AKAP19: variants seen among roughly 807,000 people sequenced by gnomAD.
The protein encoded by AKAP19 is A-kinase anchoring protein 19, also known as small A-kinase anchoring protein.
At chr2:190,050,876 T>A in the AKAP19 span, among the ~76,000 whole-genome samples, 2 of 152,154 alleles carry the variant, frequency 1.3e-5, no homozygotes, top group African/African-American at 2.4e-5. Flanking sequence ...ATATTACACC[T>A]CTCCTAGAAG....
the AKAP19 span, among the ~76,000 whole-genome samples, chr2:190,043,294 G>A: frequency 1.3e-5 from 2 of 152,282 alleles, no homozygotes; most frequent in South Asian, 4.1e-4. Flanking sequence ...TGTTTTCCAA[G>A]TTGTTTGCTT....
chr2:190,144,435 C>A, the AKAP19 span, among the ~76,000 whole-genome samples: 1 of 152,094 alleles, frequency 6.6e-6, no homozygotes, highest in South Asian at 2.1e-4. Context: ...AGAAAATATT[C>A]TATTTTATTC....
chr2:189,952,372 A>C, the AKAP19 span, among the ~76,000 whole-genome samples: 1 of 152,178 alleles, frequency 6.6e-6, no homozygotes, highest in African/African-American at 2.4e-5. Flanking sequence ...TACTTCACAC[A>C]GCTTGAGCTT....
the AKAP19 span, among the ~76,000 whole-genome samples, chr2:189,915,082 C>T: frequency 1.3e-5 from 2 of 152,060 alleles, no homozygotes; most frequent in East Asian, 1.9e-4. Context: ...AAAAAGAAAA[C>T]GTAATTAAAA....
chr2:190,137,371 T>A, the AKAP19 span, among the ~76,000 whole-genome samples: 1 of 152,220 alleles, frequency 6.6e-6, no homozygotes, highest in African/African-American at 2.4e-5. Flanking sequence ...GTATTGGCTT[T>A]TTGTGAACCA....
At chr2:190,111,934 G>A in the AKAP19 span, among the ~76,000 whole-genome samples, 1 of 151,926 alleles carries the variant, frequency 6.6e-6, no homozygotes, top group Non-Finnish European at 1.5e-5. Context: ...GTCTCGCTCT[G>A]TCGCCCAGGC....
the AKAP19 span, among the ~76,000 whole-genome samples, chr2:190,058,932 C>G: frequency 9.9e-5 from 15 of 151,726 alleles, no homozygotes; most frequent in Non-Finnish European, 8.8e-5. Context: ...CACCACTGTA[C>G]AATTCATCTA....
At chr2:189,933,056 A>G in the AKAP19 span, among the ~76,000 whole-genome samples, 2 of 152,176 alleles carry the variant, frequency 1.3e-5, no homozygotes, top group Non-Finnish European at 1.5e-5. Flanking sequence ...CACTTTATTA[A>G]TGTTTAATTT....
chr2:190,038,901 T>TTTCTTTCTTTCTTTCTTCTTCTTCTTC, the AKAP19 span, among the ~76,000 whole-genome samples: 1 of 46,024 alleles, frequency 2.2e-5, no homozygotes, highest in African/African-American at 7.2e-5. Context: ...TCTTTCTTTC[T>TTTCTTTCTTTCTTTCTTCTTCTTCTTC]TTCTTCTTCT....
the AKAP19 span, among the ~76,000 whole-genome samples, chr2:190,177,659 T>TGGC: frequency 1.3e-5 from 2 of 152,198 alleles, no homozygotes; most frequent in Non-Finnish European, 2.9e-5. This position sits in a 1 kb window ranked among gnomAD's most constrained non-coding sequence, Gnocchi z 4.6. Flanking sequence ...GAGAAACCAG[T>TGGC]GGCGGGAGTC....
At chr2:189,892,173 A>G in the AKAP19 span, among the ~76,000 whole-genome samples, 203 of 152,084 alleles carry the variant, frequency 1.3e-3, 1 homozygote, top group African/African-American at 4.4e-3. Context: ...GCATTGCATT[A>G]GAACATGCTC....
chr2:189,964,794 G>T, the AKAP19 span, among the ~76,000 whole-genome samples: 3 of 152,270 alleles, frequency 2.0e-5, no homozygotes, highest in Middle Eastern at 3.4e-3. Flanking sequence ...TCTGGATTAG[G>T]CTTTGGCATA....
chr2:190,045,597 C>T, the AKAP19 span, among the ~76,000 whole-genome samples: 1 of 152,162 alleles, frequency 6.6e-6, no homozygotes, highest in Non-Finnish European at 1.5e-5. Flanking sequence ...GGCTAAGGCA[C>T]CCAAACAGCA....
chr2:189,966,824 G>A, the AKAP19 span, among the ~76,000 whole-genome samples: 1 of 152,144 alleles, frequency 6.6e-6, no homozygotes, highest in Non-Finnish European at 1.5e-5. Flanking sequence ...ACAATTTTAT[G>A]TGAATCTATA....
chr2:189,932,891 C>G, the AKAP19 span, among the ~76,000 whole-genome samples: 1 of 152,046 alleles, frequency 6.6e-6, no homozygotes, highest in Non-Finnish European at 1.5e-5. Flanking sequence ...ATGGCTTTCT[C>G]TATCAACTGA....
At chr2:190,108,921 A>T in the AKAP19 span, among the ~76,000 whole-genome samples, 1 of 152,160 alleles carries the variant, frequency 6.6e-6, no homozygotes, top group East Asian at 1.9e-4. Flanking sequence ...CAAAGACTTC[A>T]TAGGTTGGCA....
chr2:190,042,485 T>G, the AKAP19 span, among the ~76,000 whole-genome samples: 1 of 152,128 alleles, frequency 6.6e-6, no homozygotes, highest in East Asian at 1.9e-4. Flanking sequence ...GTTGATCTTT[T>G]GAGTGGTTTT....
the AKAP19 span, among the ~76,000 whole-genome samples, chr2:190,139,094 G>A: frequency 6.6e-5 from 10 of 152,228 alleles, no homozygotes; most frequent in African/African-American, 2.4e-4. Flanking sequence ...TTCATGAGGG[G>A]GAATAAAGTC....
chr2:190,034,508 C>T, the AKAP19 span, among the ~76,000 whole-genome samples: 11 of 121,602 alleles, frequency 9.0e-5, no homozygotes, highest in African/African-American at 2.8e-4. Context: ...GGGCTGTAAG[C>T]GGCACAAGCC....
Sources: allele counts gnomAD v4.1 joint callset (sites outside exome capture counted in the v4.1 genomes callset), GRCh38; gene constraint gnomAD v4.1.1; non-coding constraint Gnocchi (gnomAD v3.1); transcripts MANE v1.5; gene names NCBI Gene and HGNC (gene_info 2026-07-23, HGNC 2026-07-21).